Variants in GBP5 observed in about 807,000 individuals in gnomAD.
GBP5 encodes the protein guanylate-binding protein 5.
In GBP5, 48 loss-of-function variants were observed where a neutral mutation model predicts 58.2. That is an observed-to-expected ratio of 0.83 (90% confidence interval 0.65 to 1.05). GBP5 has a LOEUF of 1.05. Ranked by LOEUF, GBP5 falls within the 50% of genes least tolerant of loss-of-function variation. The pLI is 0.00. For missense variants in GBP5, 714 were observed against 686.8 expected (o/e 1.04, Z -0.44); for synonymous variants, 248 against 251.8 (o/e 0.98, Z 0.14).
At chr1:89,260,943 G>A in intron 11 of GBP5, 126 bp from the exon 12 acceptor site, 6 of 652,458 alleles carry the variant, frequency 9.2e-6, no homozygotes, top group South Asian at 5.4e-5. Flanking sequence ...TTCCATTCAC[G>A]TGCATCTAAC....
chr1:89,268,523 A>T (rs914132145), intron 4 of GBP5, among the ~76,000 whole-genome samples: 1 of 152,178 alleles, frequency 6.6e-6, no homozygotes, highest in Admixed American at 6.5e-5. Context: ...CTCAACATCA[A>T]CACTGCTCTT....
In GBP5 at chr1:89,269,354, G is replaced by C. The variant is rs745521802; in HGVS notation, c.190+12C>G. Reference sequence around the variant, plus strand: ...CAGAAGGGTTTGGCAGAGCTTTGCTGGTACCACTCACCCTTGTTCTTCCCA... The same window carrying C: ...CAGAAGGGTTTGGCAGAGCTTTGCTCGTACCACTCACCCTTGTTCTTCCCA... On this transcript the variant is annotated intron_variant, in intron 3 of 11. Transcript: ENST00000370459. 1.2e-6 allele frequency: 2 copies of C among 1,613,238 alleles called. No individual in the cohort carries two copies. Among genetic ancestry groups the C allele is most frequent in the African/African-American group, 2.7e-5 (2 of 75,012 alleles).
At position 89,266,265 on chromosome 1, in the gene GBP5, G is replaced by C. The variant is rs1045588848; in HGVS notation, c.868+81C>G. Reference sequence around the variant, plus strand: ...AATTGCCTATGCATTTGTCAACATTGACAATGCAAGGATAATCTTATAAAA... The same window carrying C: ...AATTGCCTATGCATTTGTCAACATTCACAATGCAAGGATAATCTTATAAAA... On this transcript the variant is annotated intron_variant, in intron 7 of 11. Coordinates refer to ENST00000370459, the MANE Select transcript of GBP5 (RefSeq NM_052942.5). 4 of 1,218,234 alleles carry C rather than the reference G, an allele frequency of 3.3e-6. No homozygotes were observed. The African/African-American group carries it at 6.1e-5, about 19-fold the overall frequency. 75.5% of individuals were successfully genotyped at this position (1,218,234 alleles called of 1,614,324 possible).
intron 7 of GBP5, 113 bp from the exon 8 acceptor site, chr1:89,265,079 T>C: frequency 2.9e-6 from 3 of 1,024,694 alleles, no homozygotes; most frequent in Non-Finnish European, 4.3e-6. Flanking sequence ...TTGTTTAGCA[T>C]TATGGACAGT....
At chr1:89,265,328 C>G (rs1557502656) in intron 7 of GBP5, among the ~76,000 whole-genome samples, 1 of 151,876 alleles carries the variant, frequency 6.6e-6, no homozygotes, top group Admixed American at 6.6e-5. Context: ...TTCCCTTTTT[C>G]TCTCAGCTTT....
chr1:89,267,456 G>T lies in GBP5; in HGVS notation c.389C>A (p.Thr130Asn). The change falls in exon 5 of 12, where the codon ACT becomes AAT. Residue 130 changes from threonine (T) to asparagine (N), a missense_variant. Coordinates refer to ENST00000370459, the MANE Select transcript of GBP5 (RefSeq NM_052942.5). The part of the protein sequence containing the change: ...LLLSSTFVYN[T>N]VNKIDQGAID... ...AGCACCCTGATCAATTTTGTTCACAGTATTGTACACAAAGGTGCTGCTCAG... is the reference window on the plus strand; with the variant it reads ...AGCACCCTGATCAATTTTGTTCACATTATTGTACACAAAGGTGCTGCTCAG... The T allele has an allele frequency of 1.2e-6, 2 of 1,613,700 alleles. No homozygotes were observed. The highest frequency in any genetic ancestry group is 1.7e-6 in the Non-Finnish European group (2 of 1,179,630).
chr1:89,267,656 A>G lies in GBP5; in HGVS notation c.319-130T>C, dbSNP rs555748596. 5.1e-5 allele frequency: 32 copies of G among 632,756 alleles called. No homozygotes were observed. The South Asian group carries it at 6.0e-4, about 12-fold the overall frequency. The allele number at this position is 632,756 out of a possible 1,614,324, so 39.2% of individuals were successfully genotyped here. Reference sequence around the variant, plus strand: ...ATTGTTAGAAATATTAACTTTGAATAGTTCTCTTGTTAACATTGATAATTT... The same window carrying G: ...ATTGTTAGAAATATTAACTTTGAATGGTTCTCTTGTTAACATTGATAATTT... On this transcript the variant is annotated intron_variant, in intron 4 of 11. Coordinates refer to ENST00000370459, the MANE Select transcript of GBP5 (RefSeq NM_052942.5).
chr1:89,268,900 A>G, intron 3 of GBP5, 44 bp from the exon 4 acceptor site: 1 of 1,597,474 alleles, frequency 6.3e-7, no homozygotes, highest in East Asian at 2.2e-5. Flanking sequence ...GAAACTCTGG[A>G]AATTGGGGAT....
At chr1:89,264,606 G>T in intron 8 of GBP5, 80 bp downstream of exon 8, 2 of 1,261,832 alleles carry the variant, frequency 1.6e-6, no homozygotes, top group Admixed American at 4.4e-5. Context: ...TTTTTTCTTA[G>T]CTAAGTCCTA....
chr1:89,267,469 A>C lies in GBP5; in HGVS notation c.376T>G (p.Phe126Val), dbSNP rs775114789. 6.2e-7 allele frequency: 1 copy of C among 1,614,064 alleles called. No individual in the cohort carries two copies. Among genetic ancestry groups the C allele is most frequent in the Admixed American group, 1.7e-5 (1 of 60,022 alleles). The change falls in exon 5 of 12, where the codon TTT (phenylalanine) becomes GTT (valine). Residue 126 changes from phenylalanine to valine, a missense_variant. Phe to Val is a conservative substitution (Grantham distance 50). Transcript: ENST00000370459. Reference sequence around the variant, plus strand: ...ATTTTGTTCACAGTATTGTACACAAAGGTGCTGCTCAGTAAGAGTGCCAGT... The same window carrying C: ...ATTTTGTTCACAGTATTGTACACAACGGTGCTGCTCAGTAAGAGTGCCAGT... ...FALALLLSST[F>V]VYNTVNKIDQ... is the part of the protein sequence containing the mutation.
intron 8 of GBP5, 72 bp from the exon 9 acceptor site, chr1:89,264,020 A>T: frequency 1.0e-6 from 1 of 968,578 alleles, no homozygotes; most frequent in South Asian, 1.5e-5. Flanking sequence ...ATTCTGAAAA[A>T]GAATCTATAT....
intron 5 of GBP5, 36 bp downstream of exon 5, chr1:89,267,381 C>T (rs368669318): frequency 1.3e-5 from 19 of 1,426,122 alleles, no homozygotes; most frequent in East Asian, 6.8e-5. Flanking sequence ...GGAGTTCTGT[C>T]GGACTTTGGT....
In GBP5 at chr1:89,263,830, C is replaced by G. The variant is rs1437871012; in HGVS notation, c.1268G>C (p.Gly423Ala). The change falls in exon 9 of 12, where the codon GGA (glycine) becomes GCA (alanine). Residue 423 changes from glycine (G) to alanine (A), a missense_variant. By Grantham distance (60) the Gly-to-Ala change is moderately conservative. Coordinates refer to ENST00000370459, the MANE Select transcript of GBP5 (RefSeq NM_052942.5). ...FGPLEEAVKQ[G>A]IYSKPGGHNL... Reference sequence around the variant, plus strand: ...ATGGCCTCCTGGCTTAGAATAAATTCCCTGCTTCACTGCTTCTTCTAGAGG... The same window carrying G: ...ATGGCCTCCTGGCTTAGAATAAATTGCCTGCTTCACTGCTTCTTCTAGAGG... 14 of 1,613,294 alleles carry G rather than the reference C, an allele frequency of 8.7e-6. No individual in the cohort carries two copies. In the Middle Eastern group the frequency reaches 6.6e-4, roughly 76 times the overall value.
Position 89,260,725 on chromosome 1 carries a change from A to C in GBP5, c.1740T>G (p.Asp580Glu), listed in dbSNP as rs1253819571. 3 of 1,612,996 alleles carry C rather than the reference A, an allele frequency of 1.9e-6. No individual in the cohort carries two copies. Among genetic ancestry groups the C allele is most frequent in the Non-Finnish European group, 2.5e-6 (3 of 1,179,070 alleles). Residue 580 changes from aspartate (D) to glutamate (E), a missense_variant, in exon 12 of 12, where the codon GAT becomes GAG. By Grantham distance (45) the Asp-to-Glu change is conservative. Transcript: ENST00000370459. ...LQHAQRTVNN[D>E]DPCVLL The stretch of plus-strand genomic sequence containing the variant: ...CACTTTAGAGTAAAACACATGGATC[A>C]TCGTTATTAACAGTCCTCTGGGCGT...
chr1:89,262,220 C>G lies in GBP5; in HGVS notation c.1647G>C (p.Gln549His). Reference protein sequence around the residue: ...EQQKMQEQQMQEQAAQLSTTF... With the variant: ...EQQKMQEQQMHEQAAQLSTTF... Reference sequence around the variant, plus strand: ...GAGAGATGAAACAATTGATGAATACCTGCATCTGTTGTTCCTGCATTTTCT... The same window carrying G: ...GAGAGATGAAACAATTGATGAATACGTGCATCTGTTGTTCCTGCATTTTCT... The change falls in exon 11 of 12, where the codon CAG becomes CAC. Residue 549 changes from glutamine (Q) to histidine (H), a missense_variant and splice_region_variant. Transcript: ENST00000370459. 2 of 1,613,796 alleles carry G rather than the reference C, an allele frequency of 1.2e-6. No homozygotes were observed. Among genetic ancestry groups the G allele is most frequent in the Non-Finnish European group, 1.7e-6 (2 of 1,179,710 alleles).
chr1:89,264,284 T>C (rs1650122776), intron 8 of GBP5, among the ~76,000 whole-genome samples: 2 of 152,186 alleles, frequency 1.3e-5, no homozygotes, highest in African/African-American at 4.8e-5. Flanking sequence ...TTTCCAATGA[T>C]AAAGTTCGAA....
intron 1 of GBP5, chr1:89,272,066 C>T (rs974210562): frequency 2.2e-4 from 34 of 152,146 alleles, no homozygotes; most frequent in African/African-American, 7.7e-4. Flanking sequence ...ATTCATTGTT[C>T]TTTCTCATGA....
rs540088008 is a variant in GBP5 at position 89,258,819 on chromosome 1, A to T, written c.*1885T>A. 1.2e-4 allele frequency: 19 copies of T among 152,294 alleles called. No individual in the cohort carries two copies. Among genetic ancestry groups the T allele is most frequent in the African/African-American group, 4.3e-4 (18 of 41,586 alleles). The allele number at this position is 152,294 out of a possible 1,614,324, so 9.4% of individuals were successfully genotyped here. On this transcript the variant is annotated 3_prime_UTR_variant, in exon 12 of 12. Coordinates refer to ENST00000370459, the MANE Select transcript of GBP5 (RefSeq NM_052942.5). ...TGGAGATATACAAAACAAAGTAACA[A>T]AAAGTACATAAAAAGATGTAATAAA...
chr1:89,268,067 G>A (rs1259418114), intron 4 of GBP5, among the ~76,000 whole-genome samples: 1 of 152,196 alleles, frequency 6.6e-6, no homozygotes, highest in East Asian at 1.9e-4. Context: ...TTGTGTGCTG[G>A]AGCCAACTCA....
Sources: allele counts gnomAD v4.1 joint callset (sites outside exome capture counted in the v4.1 genomes callset), GRCh38; gene constraint gnomAD v4.1.1; transcripts MANE v1.5; gene names NCBI Gene and HGNC (gene_info 2026-07-23, HGNC 2026-07-21).